The following TGFB2 variants were observed in gnomAD, a reference collection of about 807,000 sequenced individuals.
TGFB2 encodes transforming growth factor beta-2 proprotein.
Under a neutral mutation model 42.7 loss-of-function variants are expected in TGFB2, and 13 were observed. The observed-to-expected ratio is 0.30, with a 90% confidence interval of 0.20 to 0.48. The LOEUF is 0.48. TGFB2 is among the 20% of genes least tolerant of loss of function. The pLI, the probability that TGFB2 is intolerant of heterozygous loss-of-function variation, is 0.99. For missense variants in TGFB2, 390 were observed against 517.5 expected (o/e 0.75, Z 2.39); for synonymous variants, 193 against 193.6 (o/e 1.00, Z 0.03).
rs1376558321 is a variant in TGFB2 at position 218,347,043 on chromosome 1, C to T, written c.342C>T (p.Ser114=). Residue 114 remains serine, a synonymous_variant, in exon 1 of 7, where the codon TCC becomes TCT. Coordinates refer to ENST00000366930, the MANE Select transcript of TGFB2 (RefSeq NM_003238.6). ...YKIDMPPFFP[S]ENAIPPTFYR... ...TAGACATGCCGCCCTTCTTCCCCTC[C>T]GAAAGTAAGTACTTATTTTGACTTC... The T allele has an allele frequency of 6.3e-7, 1 of 1,575,432 alleles. No homozygotes were observed. Among genetic ancestry groups the T allele is most frequent in the Non-Finnish European group, 8.6e-7 (1 of 1,159,846 alleles).
intron 1 of TGFB2, among the ~76,000 whole-genome samples, chr1:218,395,211 T>C (rs1658462235): frequency 6.6e-6 from 1 of 152,120 alleles, no homozygotes; most frequent in African/African-American, 2.4e-5. Context: ...TGAAAGACCC[T>C]GGGCAATACT....
chr1:218,370,466 G>C (rs1657535063), intron 1 of TGFB2, among the ~76,000 whole-genome samples: 1 of 152,168 alleles, frequency 6.6e-6, no homozygotes, highest in South Asian at 2.1e-4. Flanking sequence ...ACTGAGACTA[G>C]AGAATAGGAC....
intron 1 of TGFB2, among the ~76,000 whole-genome samples, chr1:218,378,116 C>T (rs1657807897): frequency 6.6e-6 from 1 of 152,096 alleles, no homozygotes; most frequent in Admixed American, 6.5e-5. Flanking sequence ...GCTGGGATTA[C>T]AGGCCCCTGT....
chr1:218,431,783 C>T (rs1428663134), intron 2 of TGFB2, among the ~76,000 whole-genome samples: 1 of 152,182 alleles, frequency 6.6e-6, no homozygotes, highest in Non-Finnish European at 1.5e-5. Flanking sequence ...CTGAAAACTG[C>T]TTCTCAACCA....
intron 1 of TGFB2, among the ~76,000 whole-genome samples, chr1:218,371,867 C>T (rs1260792816): frequency 6.6e-6 from 1 of 152,166 alleles, no homozygotes; most frequent in East Asian, 1.9e-4. Flanking sequence ...CCCTAGAACC[C>T]CATCTATAAC....
intron 1 of TGFB2, among the ~76,000 whole-genome samples, chr1:218,355,125 A>G (rs1261167339): frequency 6.6e-6 from 1 of 152,150 alleles, no homozygotes. Flanking sequence ...CTGGTCTCGA[A>G]CTGATCTCAA....
At chr1:218,439,875 C>T (rs1305381433) in intron 6 of TGFB2, among the ~76,000 whole-genome samples, 1 of 152,232 alleles carries the variant, frequency 6.6e-6, no homozygotes, top group Non-Finnish European at 1.5e-5. Context: ...GACAGTTACC[C>T]AAGAAGCCAG....
chr1:218,389,440 C>T (rs1468140618), intron 1 of TGFB2, among the ~76,000 whole-genome samples: 2 of 152,164 alleles, frequency 1.3e-5, no homozygotes, highest in Non-Finnish European at 2.9e-5. Flanking sequence ...CCCATATGCA[C>T]CTGCTTTCAA....
At chr1:218,364,052 G>A (rs916121183) in intron 1 of TGFB2, among the ~76,000 whole-genome samples, 1 of 152,170 alleles carries the variant, frequency 6.6e-6, no homozygotes, top group Non-Finnish European at 1.5e-5. Flanking sequence ...TTTATGTGTG[G>A]CCCAAGACAA....
intron 1 of TGFB2, among the ~76,000 whole-genome samples, chr1:218,394,782 G>C (rs1658442746): frequency 6.6e-6 from 1 of 152,198 alleles, no homozygotes; most frequent in African/African-American, 2.4e-5. Context: ...AACGTCAGCA[G>C]TGTTTGGGAT....
intron 2 of TGFB2, among the ~76,000 whole-genome samples, chr1:218,427,281 C>T (rs995304224): frequency 2.0e-5 from 3 of 152,080 alleles, no homozygotes; most frequent in Admixed American, 6.6e-5. Context: ...TAATTACCTT[C>T]TACACCCCTA....
intron 6 of TGFB2, among the ~76,000 whole-genome samples, chr1:218,438,066 C>G (rs1196433224): frequency 6.6e-6 from 1 of 152,116 alleles, no homozygotes; most frequent in Non-Finnish European, 1.5e-5. Flanking sequence ...TGCTATAAAA[C>G]ATTAGAATTT....
At position 218,438,666 on chromosome 1, in the gene TGFB2, A is replaced by G. The variant is rs140640463; in HGVS notation, c.1086+1170A>G. Among the ~76,000 whole-genome samples, 224 of 152,292 alleles carry G rather than the reference A, an allele frequency of 1.5e-3. 1 individual carries two copies. The highest frequency in any genetic ancestry group is 5.2e-3 in the African/African-American group (218 of 41,560). On this transcript the variant is annotated intron_variant, in intron 6 of 6. Transcript: ENST00000366930. ...TGAAGACAGAGTTGATTCAGAAGGT[A>G]ATTCCCAGATTGGATGGTATGAGTT...
intron 1 of TGFB2, among the ~76,000 whole-genome samples, chr1:218,366,308 C>T (rs1036648066): frequency 6.6e-6 from 1 of 152,048 alleles, no homozygotes; most frequent in Non-Finnish European, 1.5e-5. Flanking sequence ...TTCTCTCTCT[C>T]TCTCTTTTTT....
chr1:218,372,788 G>A (rs1276399118), intron 1 of TGFB2, among the ~76,000 whole-genome samples: 1 of 152,158 alleles, frequency 6.6e-6, no homozygotes, highest in Non-Finnish European at 1.5e-5. Flanking sequence ...CACCTGGGGA[G>A]CACTTAACAT....
chr1:218,408,264 A>C (rs1658978725), intron 2 of TGFB2, among the ~76,000 whole-genome samples: 1 of 152,032 alleles, frequency 6.6e-6, no homozygotes, highest in Non-Finnish European at 1.5e-5. Flanking sequence ...TCCCATCTCC[A>C]GGAAAGGGTG....
chr1:218,363,184 TC>T (rs1413559860), intron 1 of TGFB2: 18 of 639,058 alleles, frequency 2.8e-5, no homozygotes, highest in Middle Eastern at 2.8e-4. Flanking sequence ...CAGTGTCTAA[TC>T]CCCTGGCCCC....
At chr1:218,368,854 A>G (rs1187415225) in intron 1 of TGFB2, among the ~76,000 whole-genome samples, 3 of 152,176 alleles carry the variant, frequency 2.0e-5, no homozygotes, top group Non-Finnish European at 4.4e-5. Flanking sequence ...AGAGATAATG[A>G]GGGATAAGTG....
At position 218,413,940 on chromosome 1, in the gene TGFB2, G is replaced by A. The variant is rs556840776; in HGVS notation, c.510+8608G>A. ...GATTTTTCAGACTTGAGGATGATAG[G>A]GTGAATTGATGTTTATGGAGCAAAA... is the stretch of plus-strand genomic sequence containing the variant. On this transcript the variant is annotated intron_variant, in intron 2 of 6. Coordinates refer to ENST00000366930, the MANE Select transcript of TGFB2 (RefSeq NM_003238.6). 2.6e-5 allele frequency among the ~76,000 whole-genome samples: 4 copies of A among 152,258 alleles called. No individual in the cohort carries two copies. In the South Asian group the frequency reaches 6.2e-4, roughly 24 times the overall value.
Sources: gnomAD v4.1 joint callset for allele counts (sites outside exome capture counted in the v4.1 genomes callset) on GRCh38, gnomAD v4.1.1 for gene constraint, MANE v1.5 for transcripts, NCBI Gene and HGNC (gene_info 2026-07-23, HGNC 2026-07-21) for gene names.